The following UTS2B variants were observed in gnomAD, a reference collection of about 807,000 sequenced individuals.
UTS2B encodes urotensin 2B.
Under a neutral mutation model 19.2 loss-of-function variants are expected in UTS2B, and 21 were observed. That is an observed-to-expected ratio of 1.09 (90% CI 0.78 to 1.58). UTS2B has a LOEUF of 1.58. UTS2B is among the 40% of genes most tolerant of loss of function. UTS2B has a pLI of 0.00. For synonymous variants in UTS2B, 57 were observed against 50.2 expected (o/e 1.14, Z -0.58); for missense variants, 138 against 130.3 (o/e 1.06, Z -0.29).
At chr3:191,282,449 C>T in intron 4 of UTS2B, 136 bp from the exon 5 acceptor site, 2 of 356,350 alleles carry the variant, frequency 5.6e-6, no homozygotes, top group South Asian at 1.2e-4. Flanking sequence ...ATCAATACAT[C>T]TCATACCCGC....
chr3:191,324,653 C>T lies in UTS2B; in HGVS notation c.-586+3978G>A, dbSNP rs552312948. 9.8e-5 allele frequency among the ~76,000 whole-genome samples: 15 copies of T among 152,306 alleles called. No individual in the cohort carries two copies. The South Asian group carries it at 2.3e-3, about 23-fold the overall frequency. ...TTGTGAGGCCTCCCCAGCCATGTGG[C>T]GTCCATTAAACCTCTTTCCTTATAA... On this transcript the variant is annotated intron_variant, in intron 2 of 8. Coordinates refer to ENST00000340524, the MANE Select transcript of UTS2B (RefSeq NM_198152.5).
intron 4 of UTS2B, among the ~76,000 whole-genome samples, chr3:191,284,254 A>G (rs1013363077): frequency 6.6e-6 from 1 of 152,140 alleles, no homozygotes; most frequent in East Asian, 1.9e-4. Flanking sequence ...ATGGGTAAGA[A>G]GTTTTCCTGA....
At chr3:191,336,670 GCTAAATCT>G in the UTS2B span, among the ~76,000 whole-genome samples, 1 of 152,080 alleles carries the variant, frequency 6.6e-6, no homozygotes, top group African/African-American at 2.4e-5. Context: ...CTTGATATTA[GCTAAATCT>G]CTTAGAGATG....
At chr3:191,294,559 C>G (rs1716807588) in intron 4 of UTS2B, 1 of 151,958 alleles carries the variant, frequency 6.6e-6, no homozygotes, top group African/African-American at 2.4e-5. Context: ...TTGTCACTTA[C>G]TTTCTTCAGC....
chr3:191,286,417 T>C (rs1351823410), intron 4 of UTS2B, among the ~76,000 whole-genome samples: 1 of 152,216 alleles, frequency 6.6e-6, no homozygotes, highest in Admixed American at 6.5e-5. Flanking sequence ...TCATATCTTA[T>C]ATCTTCTCCA....
At chr3:191,323,129 C>T (rs972473125) in intron 2 of UTS2B, among the ~76,000 whole-genome samples, 4 of 59,156 alleles carry the variant, frequency 6.8e-5, no homozygotes, top group African/African-American at 4.1e-4. Flanking sequence ...CTTTTCAGTG[C>T]TGTTATTTTA....
chr3:191,295,908 G>A (rs879014415), intron 4 of UTS2B, among the ~76,000 whole-genome samples: 1 of 152,046 alleles, frequency 6.6e-6, no homozygotes, highest in Admixed American at 6.5e-5. Flanking sequence ...TTAAACACCT[G>A]CACTGCTGAA....
At chr3:191,340,997 T>C in the UTS2B span, among the ~76,000 whole-genome samples, 1 of 151,834 alleles carries the variant, frequency 6.6e-6, no homozygotes, top group East Asian at 1.9e-4. Context: ...AATTAATTTT[T>C]TTTTTTTTGG....
intron 5 of UTS2B, among the ~76,000 whole-genome samples, chr3:191,278,937 T>C (rs562899355): frequency 6.6e-6 from 1 of 152,110 alleles, no homozygotes; most frequent in Non-Finnish European, 1.5e-5. Flanking sequence ...TTCTGTAAGA[T>C]CATCTTTTCT....
chr3:191,324,259 C>T (rs1049364069), intron 2 of UTS2B, among the ~76,000 whole-genome samples: 4 of 152,184 alleles, frequency 2.6e-5, no homozygotes, highest in Admixed American at 6.5e-5. Context: ...GATGGGACTC[C>T]TTCAATTGGA....
At chr3:191,324,665 C>A (rs1229402235) in intron 2 of UTS2B, among the ~76,000 whole-genome samples, 1 of 152,228 alleles carries the variant, frequency 6.6e-6, no homozygotes, top group Non-Finnish European at 1.5e-5. Flanking sequence ...TCCATTAAAC[C>A]TCTTTCCTTA....
intron 2 of UTS2B, among the ~76,000 whole-genome samples, chr3:191,318,307 C>A (rs1455688919): frequency 1.3e-5 from 2 of 152,110 alleles, no homozygotes. Context: ...CCACATAGGG[C>A]AAAACAAAAT....
In UTS2B at chr3:191,268,184, G is replaced by A. The variant is rs538251128; in HGVS notation, c.*232C>T. On this transcript the variant is annotated 3_prime_UTR_variant, in exon 9 of 9. Transcript: ENST00000340524. The stretch of plus-strand genomic sequence containing the variant: ...TGATATGAAACCTCCCTGACTGCAC[G>A]TCCATTCATAGGCTCTCTACAGGGG... 3.9e-5 allele frequency: 13 copies of A among 335,582 alleles called. No homozygotes were observed. The highest frequency in any genetic ancestry group is 1.0e-4 in the Admixed American group (2 of 19,562). 20.8% of individuals were successfully genotyped at this position (335,582 alleles called of 1,614,324 possible).
chr3:191,270,172 T>C (rs1716048392), intron 8 of UTS2B, among the ~76,000 whole-genome samples: 1 of 152,230 alleles, frequency 6.6e-6, no homozygotes, highest in African/African-American at 2.4e-5. Flanking sequence ...TCACAGTGGT[T>C]AGTCTCTAGT....
intron 4 of UTS2B, among the ~76,000 whole-genome samples, chr3:191,290,342 A>T (rs759190564): frequency 6.6e-6 from 1 of 152,240 alleles, no homozygotes. Flanking sequence ...TATAGTATAT[A>T]GCAATATTAT....
chr3:191,295,062 G>A (rs1716822565), intron 4 of UTS2B, among the ~76,000 whole-genome samples: 1 of 151,678 alleles, frequency 6.6e-6, no homozygotes, highest in South Asian at 2.1e-4. Context: ...CAAACTTTTT[G>A]TCTTCCATCT....
At chr3:191,333,608 G>A (rs527633594), upstream of UTS2B, among the ~76,000 whole-genome samples, 36 of 152,246 alleles carry the variant, frequency 2.4e-4, 1 homozygote, top group Non-Finnish European at 3.8e-4. Context: ...TTATGTCTTA[G>A]TTATCTTGCT....
the UTS2B span, among the ~76,000 whole-genome samples, chr3:191,342,992 G>A: frequency 6.6e-6 from 1 of 152,160 alleles, no homozygotes; most frequent in East Asian, 1.9e-4. Flanking sequence ...CCCTTGAACA[G>A]TGTGGGTTTG....
At chr3:191,332,115 AGGGGAT>A (rs1718007962), upstream of UTS2B, among the ~76,000 whole-genome samples, 1 of 152,138 alleles carries the variant, frequency 6.6e-6, no homozygotes, top group African/African-American at 2.4e-5. Context: ...GCTGTTTAGG[AGGGGAT>A]GGGGCACCCT....
Sources: allele counts gnomAD v4.1 joint callset (sites outside exome capture counted in the v4.1 genomes callset), GRCh38; gene constraint gnomAD v4.1.1; transcripts MANE v1.5; gene names NCBI Gene and HGNC (gene_info 2026-07-23, HGNC 2026-07-21).